PTER: variants seen among roughly 807,000 people sequenced by gnomAD.
PTER encodes the protein N-acetyltaurine hydrolase.
PTER carries 38 observed loss-of-function variants against 29.6 expected under a neutral mutation model. That is an observed-to-expected ratio of 1.28 (90% confidence interval 0.99 to 1.68). PTER has a LOEUF of 1.68. PTER is among the 40% of genes most tolerant of loss of function. The pLI, the probability that PTER is intolerant of heterozygous loss-of-function variation, is 0.00. For synonymous variants in PTER, 172 were observed against 154.5 expected, an observed-to-expected ratio of 1.11 and a Z score of -0.84; for missense variants, 482 against 427.8, an observed-to-expected ratio of 1.13 and a Z score of -1.12.
chr10:16,456,497 A>G (rs979715474), intron 1 of PTER, among the ~76,000 whole-genome samples: 1 of 152,188 alleles, frequency 6.6e-6, no homozygotes, highest in African/African-American at 2.4e-5. Context: ...AAAAGCAAAC[A>G]AGGAGACTCT....
Position 16,511,120 on chromosome 10 carries a change from T to C in PTER, c.914T>C (p.Leu305Pro), listed in dbSNP as rs1242923121. The change falls in exon 5 of 5, where the codon CTG becomes CCG. Residue 305 changes from leucine to proline, a missense_variant. Leu to Pro is a moderately conservative substitution (Grantham distance 98). Coordinates refer to ENST00000535784, the MANE Select transcript of PTER (RefSeq NM_001261836.2). ...CATGACATACATACGAAAACCCGGC[T>C]GATGAAATATGGAGGTCACGGCTAT... is the stretch of plus-strand genomic sequence containing the variant. The part of the protein sequence containing the change: ...VAHDIHTKTR[L>P]MKYGGHGYSH... 8 of 1,614,116 alleles carry C rather than the reference T, an allele frequency of 5.0e-6. No homozygotes were observed. The highest frequency in any genetic ancestry group is 6.8e-6 in the Non-Finnish European group (8 of 1,179,986).
rs1381678108 is a variant in PTER, at chr10:16,452,299, T to A, written c.-49+15252T>A. ...AAGCCAAGCAGATTATTGACTTTTT[T>A]TGTTTTTTTTTTTTTGAGATTGAGT... is the stretch of plus-strand genomic sequence containing the variant. On this transcript the variant is annotated intron_variant, in intron 1 of 4. Coordinates refer to ENST00000535784, the MANE Select transcript of PTER (RefSeq NM_001261836.2). Among the ~76,000 whole-genome samples, 3 of 95,970 alleles carry A rather than the reference T, an allele frequency of 3.1e-5. No homozygotes were observed. In the Admixed American group the frequency reaches 3.4e-4, roughly 11 times the overall value. The allele number at this position is 95,970 out of a possible 152,430, so 63.0% of individuals were successfully genotyped here.
intron 1 of PTER, among the ~76,000 whole-genome samples, chr10:16,472,316 T>G (rs1835082320): frequency 6.6e-6 from 1 of 152,196 alleles, no homozygotes; most frequent in Admixed American, 6.6e-5. Context: ...TCATACGGAT[T>G]GACTGTGTCC....
chr10:16,487,747 G>A (rs1201199547), intron 3 of PTER, among the ~76,000 whole-genome samples: 1 of 152,140 alleles, frequency 6.6e-6, no homozygotes, highest in Non-Finnish European at 1.5e-5. Flanking sequence ...ATTTATTATA[G>A]AATTAATACA....
At chr10:16,454,316 T>C (rs1359627637) in intron 1 of PTER, among the ~76,000 whole-genome samples, 1 of 152,174 alleles carries the variant, frequency 6.6e-6, no homozygotes, top group African/African-American at 2.4e-5. Flanking sequence ...GGCTCACGCC[T>C]GTAATCCCAA....
intron 1 of PTER, among the ~76,000 whole-genome samples, chr10:16,439,361 A>T (rs2185764): frequency 0.12 from 18,524 of 152,260 alleles, 1,386 homozygotes; most frequent in South Asian, 0.26. Flanking sequence ...AAAAAAATGC[A>T]ATTTAATATC....
rs1834626802 is a variant in PTER, at chr10:16,461,905, TAAC to T, written c.-48-22427_-48-22425del. On this transcript the variant is annotated intron_variant, in intron 1 of 4. Coordinates refer to ENST00000535784, the MANE Select transcript of PTER (RefSeq NM_001261836.2). Reference sequence around the variant, plus strand: ...AGTGATACCAAATCATTACCTAAAATAACAACATTTATCTTTTTCATGACTTTT... The same window carrying T: ...AGTGATACCAAATCATTACCTAAAATAACATTTATCTTTTTCATGACTTTT... Among the ~76,000 whole-genome samples, 3 of 152,170 alleles carry T rather than the reference TAAC, an allele frequency of 2.0e-5. No homozygotes were observed. The South Asian group carries it at 6.2e-4, about 32-fold the overall frequency.
intron 3 of PTER, among the ~76,000 whole-genome samples, chr10:16,504,406 T>G (rs1231829798): frequency 6.6e-6 from 1 of 152,186 alleles, no homozygotes; most frequent in Non-Finnish European, 1.5e-5. Context: ...AATAATAAAT[T>G]TTATTTAAAA....
At chr10:16,515,060 T>C (rs1310109535), downstream of PTER, among the ~76,000 whole-genome samples, 1 of 152,120 alleles carries the variant, frequency 6.6e-6, no homozygotes, top group Non-Finnish European at 1.5e-5. Context: ...ACTAATAGTA[T>C]TTTTTGCATT....
intron 1 of PTER, among the ~76,000 whole-genome samples, chr10:16,464,414 A>G (rs911379875): frequency 6.6e-6 from 1 of 152,210 alleles, no homozygotes; most frequent in Non-Finnish European, 1.5e-5. Context: ...TTTTCAAACT[A>G]TGATTATTAC....
At chr10:16,485,302 A>G (rs1835652856) in intron 2 of PTER, among the ~76,000 whole-genome samples, 1 of 152,234 alleles carries the variant, frequency 6.6e-6, no homozygotes, top group Non-Finnish European at 1.5e-5. Context: ...TCCTTTCACA[A>G]AACAGGAGAG....
In PTER at chr10:16,499,153, G is replaced by A. The variant is rs557034583; in HGVS notation, c.699-5867G>A. ...ACTTAAAGTCCTCATCTGTAAGATG[G>A]GGACAGTCACACCTTCCTGATAGAG... is the stretch of plus-strand genomic sequence containing the variant. On this transcript the variant is annotated intron_variant, in intron 3 of 4. Transcript: ENST00000535784. Among the ~76,000 whole-genome samples the A allele has an allele frequency of 5.9e-5, 9 of 152,204 alleles. No homozygotes were observed. In the East Asian group the frequency reaches 1.7e-3, roughly 29 times the overall value.
At chr10:16,455,725 A>G (rs1834371639) in intron 1 of PTER, among the ~76,000 whole-genome samples, 1 of 152,152 alleles carries the variant, frequency 6.6e-6, no homozygotes, top group African/African-American at 2.4e-5. Context: ...GTAAAGGTTT[A>G]ACTTCATCTG....
At chr10:16,503,945 G>T (rs149130333) in intron 3 of PTER, among the ~76,000 whole-genome samples, 1 of 152,268 alleles carries the variant, frequency 6.6e-6, no homozygotes, top group East Asian at 1.9e-4. Context: ...TCATCTCCAC[G>T]CCAATTTCCG....
In PTER at chr10:16,486,478, A is replaced by G. The variant is rs199581851; in HGVS notation, c.559A>G (p.Thr187Ala). The G allele has an allele frequency of 1.5e-4, 243 of 1,614,062 alleles. No homozygotes were observed. The highest frequency in any genetic ancestry group is 1.9e-4 in the Non-Finnish European group (228 of 1,179,972). ...GAGTGAAAGAAAGGTTCTCCAGGCC[A>G]CAGCTCATGCCCAGGCTCAGCTTGG... is the stretch of plus-strand genomic sequence containing the variant. The part of the protein sequence containing the change: ...TESERKVLQA[T>A]AHAQAQLGCP... Residue 187 changes from threonine to alanine, a missense_variant, in exon 3 of 5, where the codon ACA becomes GCA. Coordinates refer to ENST00000535784, the MANE Select transcript of PTER (RefSeq NM_001261836.2).
rs564803358 is a variant in PTER at position 16,441,441 on chromosome 10, T to A, written c.-49+4394T>A. 1.2e-4 allele frequency among the ~76,000 whole-genome samples: 19 copies of A among 152,338 alleles called. 1 individual carries two copies. In the South Asian group the frequency reaches 3.9e-3, roughly 32 times the overall value. ...AATATGATTTCCTGGCTATCTGATT[T>A]CGGATCTAAGAGTATCAGACTTAGG... On this transcript the variant is annotated intron_variant, in intron 1 of 4. Transcript: ENST00000535784.
At chr10:16,517,577 A>G (rs955580983), downstream of PTER, among the ~76,000 whole-genome samples, 1 of 152,190 alleles carries the variant, frequency 6.6e-6, no homozygotes, top group African/African-American at 2.4e-5. Flanking sequence ...CCAAATGTAA[A>G]GCTATTTGAG....
chr10:16,451,151 C>T (rs1376149158), intron 1 of PTER, among the ~76,000 whole-genome samples: 1 of 152,068 alleles, frequency 6.6e-6, no homozygotes, highest in African/African-American at 2.4e-5. Flanking sequence ...GGGTAGAAAG[C>T]CTCCAGCATG....
intron 1 of PTER, among the ~76,000 whole-genome samples, chr10:16,477,258 C>CGATAGATAGATAGATAGATAGATAGATA: frequency 6.8e-6 from 1 of 147,906 alleles, no homozygotes; most frequent in Non-Finnish European, 1.5e-5. Flanking sequence ...TTCTGTCTTT[C>CGATAGATAGATAGATAGATAGATAGATA]GATAGATAGA....
Sources: gnomAD v4.1 joint callset for allele counts (sites outside exome capture counted in the v4.1 genomes callset) on GRCh38, gnomAD v4.1.1 for gene constraint, MANE v1.5 for transcripts, NCBI Gene and HGNC (gene_info 2026-07-23, HGNC 2026-07-21) for gene names.